Variants in ZFYVE28 observed in about 807,000 individuals in gnomAD.
ZFYVE28 encodes lateral signaling target protein 2 homolog.
ZFYVE28 carries 40 observed loss-of-function variants against 82.1 expected under a neutral mutation model. The ratio of observed to expected loss-of-function variants is 0.49; its 90% CI spans 0.38 to 0.63. The LOEUF is 0.63. Ranked by LOEUF, ZFYVE28 falls within the 30% of genes least tolerant of loss-of-function variation. The pLI is 0.00. For synonymous variants in ZFYVE28, 612 were observed against 546.1 expected, an observed-to-expected ratio of 1.12 and a Z score of -1.68; for missense variants, 1,321 against 1,242.1, an observed-to-expected ratio of 1.06 and a Z score of -0.96.
At chr4:2,301,198 G>C (rs1715464151) in intron 8 of ZFYVE28, among the ~76,000 whole-genome samples, 2 of 152,170 alleles carry the variant, frequency 1.3e-5, no homozygotes, top group Non-Finnish European at 2.9e-5. Flanking sequence ...GTTCCTTGGT[G>C]GGTCTCCGGT....
chr4:2,304,448 G>T lies in ZFYVE28; in HGVS notation c.1892C>A (p.Ser631Tyr). Residue 631 changes from serine (S) to tyrosine (Y), a missense_variant, in exon 8 of 13, where the codon TCC (serine) becomes TAC (tyrosine). Ser to Tyr is a moderately radical substitution (Grantham distance 144, BLOSUM62 -2). This residue lies in a region of ZFYVE28 where 978 missense variants were observed against 833.7 expected (regional missense o/e 1.17). Coordinates refer to ENST00000290974, the MANE Select transcript of ZFYVE28 (RefSeq NM_020972.3). ...TGAGGTGTGAGGCAGGCACTTGTCGGAAGTGGGGGCTTTGGGCTCCCGCCC... is the reference window on the plus strand; with the variant it reads ...TGAGGTGTGAGGCAGGCACTTGTCGTAAGTGGGGGCTTTGGGCTCCCGCCC... ...SNGREPKAPT[S>Y]DKCLPHTSGS... 6.2e-7 allele frequency: 1 copy of T among 1,613,666 alleles called. No homozygotes were observed. The highest frequency in any genetic ancestry group is 1.7e-5 in the Admixed American group (1 of 60,032).
At chr4:2,272,551 A>G (rs914049822) in intron 10 of ZFYVE28, among the ~76,000 whole-genome samples, 4 of 152,172 alleles carry the variant, frequency 2.6e-5, no homozygotes, top group African/African-American at 9.7e-5. Flanking sequence ...GGTATGCGTG[A>G]GTACATGTGT....
intron 6 of ZFYVE28, among the ~76,000 whole-genome samples, chr4:2,333,669 C>G (rs34426652): frequency 2.6e-5 from 4 of 151,866 alleles, no homozygotes; most frequent in African/African-American, 7.3e-5. Context: ...TCAAAGCACT[C>G]GCGGAGAACT....
chr4:2,404,067 T>C (rs1731510036), intron 1 of ZFYVE28, among the ~76,000 whole-genome samples: 3 of 151,058 alleles, frequency 2.0e-5, no homozygotes, highest in South Asian at 4.2e-4. Flanking sequence ...ACACCTGTAA[T>C]CCCAGCACAT....
intron 8 of ZFYVE28, among the ~76,000 whole-genome samples, chr4:2,293,946 A>G (rs969102745): frequency 6.6e-6 from 1 of 152,176 alleles, no homozygotes; most frequent in African/African-American, 2.4e-5. Flanking sequence ...AACTTTGCTG[A>G]GATAAATTAA....
In ZFYVE28 at chr4:2,270,087, AG is replaced by A. The variant is rs1343654263; in HGVS notation, c.*637del. On this transcript the variant is annotated 3_prime_UTR_variant, in exon 13 of 13. Transcript: ENST00000290974. ...AAGGGGACAGTGGTGGGCAGACACC[AG>A]GAGCACCCTGCCTGCCTAGAGGACC... 6.5e-6 allele frequency: 1 copy of A among 153,118 alleles called. No homozygotes were observed. Among genetic ancestry groups the A allele is most frequent in the Non-Finnish European group, 1.5e-5 (1 of 68,672 alleles). The allele number at this position is 153,118 out of a possible 1,614,324, so 9.5% of individuals were successfully genotyped here.
intron 1 of ZFYVE28, among the ~76,000 whole-genome samples, chr4:2,413,078 G>A (rs1732687836): frequency 6.6e-6 from 1 of 152,206 alleles, no homozygotes; most frequent in Admixed American, 6.5e-5. Context: ...TCGGCGCAGG[G>A]AGTGATGCTC....
chr4:2,393,906 C>T (rs1232043650), intron 1 of ZFYVE28, among the ~76,000 whole-genome samples: 7 of 152,260 alleles, frequency 4.6e-5, no homozygotes, highest in South Asian at 4.1e-4. Context: ...ACAACATTCA[C>T]ATCTTACAGT....
chr4:2,408,664 C>G lies in ZFYVE28; in HGVS notation c.39+9621G>C, dbSNP rs1169156461. 6.6e-6 allele frequency among the ~76,000 whole-genome samples: 1 copy of G among 152,118 alleles called. No individual in the cohort carries two copies. The highest frequency in any genetic ancestry group is 1.9e-4 in the East Asian group (1 of 5,190). ...TGATGGCGCCCCATCCAGATAGAGT[C>G]CCGCCCAGATGAGTACCACCCAGGT... On this transcript the variant is annotated intron_variant, in intron 1 of 12. Transcript: ENST00000290974. This position sits in a 1 kb window ranked among gnomAD's most constrained non-coding sequence, Gnocchi z 4.3.
Position 2,335,343 on chromosome 4 carries a change from G to A in ZFYVE28, c.701+362C>T, listed in dbSNP as rs896883933. 5.9e-5 allele frequency among the ~76,000 whole-genome samples: 9 copies of A among 152,150 alleles called. No homozygotes were observed. The highest frequency in any genetic ancestry group is 1.3e-4 in the Admixed American group (2 of 15,278). Reference sequence around the variant, plus strand: ...GTTACCACCAAGTCTGCCTCCCACAGCCCCTGCGTGGCCACTCTGTTCCGA... The same window carrying A: ...GTTACCACCAAGTCTGCCTCCCACAACCCCTGCGTGGCCACTCTGTTCCGA... On this transcript the variant is annotated intron_variant, in intron 6 of 12. Coordinates refer to ENST00000290974, the MANE Select transcript of ZFYVE28 (RefSeq NM_020972.3). This position sits in a 1 kb window ranked among gnomAD's most constrained non-coding sequence, Gnocchi z 5.8.
chr4:2,304,231 C>A (rs377457044), intron 8 of ZFYVE28, 58 bp downstream of exon 8: 5 of 1,500,436 alleles, frequency 3.3e-6, no homozygotes, highest in Non-Finnish European at 4.4e-6. Flanking sequence ...AATGCGCCAG[C>A]ACCTGCCCCC....
chr4:2,320,504 T>G lies in ZFYVE28; in HGVS notation c.702-233A>C, dbSNP rs926521647. On this transcript the variant is annotated intron_variant, in intron 6 of 12. Coordinates refer to ENST00000290974, the MANE Select transcript of ZFYVE28 (RefSeq NM_020972.3). The surrounding 1 kb of genome is among the most constrained non-coding windows in gnomAD (Gnocchi z 5.1). ...CATCCTCTTTTGCAGTTGATTAGCT[T>G]GTGTTCATTGGAGGGGTCATAAAGT... 3.9e-5 allele frequency among the ~76,000 whole-genome samples: 6 copies of G among 152,262 alleles called. No homozygotes were observed. The highest frequency in any genetic ancestry group is 8.8e-5 in the Non-Finnish European group (6 of 68,048).
chr4:2,293,947 G>A (rs1003372241), intron 8 of ZFYVE28, among the ~76,000 whole-genome samples: 4 of 151,900 alleles, frequency 2.6e-5, no homozygotes, highest in Non-Finnish European at 4.4e-5. Context: ...ACTTTGCTGA[G>A]ATAAATTAAA....
intron 7 of ZFYVE28, among the ~76,000 whole-genome samples, chr4:2,309,511 A>C (rs1243476152): frequency 2.0e-5 from 3 of 152,220 alleles, no homozygotes; most frequent in Non-Finnish European, 4.4e-5. Context: ...TGCTAAATCT[A>C]CTTATTATTT....
In ZFYVE28 at chr4:2,390,108, G is replaced by A. The variant is rs1578353317; in HGVS notation, c.39+28177C>T. On this transcript the variant is annotated intron_variant, in intron 1 of 12. Coordinates refer to ENST00000290974, the MANE Select transcript of ZFYVE28 (RefSeq NM_020972.3). The stretch of plus-strand genomic sequence containing the variant: ...GATCCTGAATTATCTGAGAGGGCAT[G>A]AAATCCAATGACAAGCGTCCTTCAT... Among the ~76,000 whole-genome samples, 3 of 152,352 alleles carry A rather than the reference G, an allele frequency of 2.0e-5. No homozygotes were observed. In the South Asian group the frequency reaches 6.2e-4, roughly 32 times the overall value.
At position 2,337,303 on chromosome 4, in the gene ZFYVE28, C is replaced by T. The variant is rs527274337; in HGVS notation, c.611+104G>A. ...TGGTGCCTTCCATCTGGGGCACTCC[C>T]GAGACACAGCAGGTTCCCCCAGAGC... is the stretch of plus-strand genomic sequence containing the variant. On this transcript the variant is annotated intron_variant, in intron 5 of 12. Coordinates refer to ENST00000290974, the MANE Select transcript of ZFYVE28 (RefSeq NM_020972.3). 6.8e-4 allele frequency: 691 copies of T among 1,019,906 alleles called. 3 individuals are homozygous for T. Among genetic ancestry groups the T allele is most frequent in the Non-Finnish European group, 6.8e-4 (481 of 705,942 alleles). 63.2% of individuals were successfully genotyped at this position (1,019,906 alleles called of 1,614,324 possible). A position where few individuals can be genotyped will look rare whatever the true frequency, so the allele number is the denominator to read the frequency against.
chr4:2,278,938 CCT>C (rs1325880086), intron 8 of ZFYVE28, among the ~76,000 whole-genome samples: 7 of 148,226 alleles, frequency 4.7e-5, no homozygotes, highest in Admixed American at 1.3e-4. Flanking sequence ...TTCCCCCCCC[CCT>C]CAAAAAAAAA....
intron 2 of ZFYVE28, among the ~76,000 whole-genome samples, chr4:2,353,022 C>A (rs985704736): frequency 1.3e-5 from 2 of 152,228 alleles, no homozygotes; most frequent in African/African-American, 4.8e-5. Flanking sequence ...ACTCTCCCCA[C>A]CCACAGAGGC....
intron 8 of ZFYVE28, among the ~76,000 whole-genome samples, chr4:2,301,200 G>C (rs1218695027): frequency 6.6e-6 from 1 of 152,188 alleles, no homozygotes; most frequent in African/African-American, 2.4e-5. Flanking sequence ...TCCTTGGTGG[G>C]TCTCCGGTGC....
Sources: gnomAD v4.1 joint callset for allele counts (sites outside exome capture counted in the v4.1 genomes callset) on GRCh38, gnomAD v4.1.1 for gene constraint, gnomAD v4.1.1 regional missense constraint, Gnocchi (gnomAD v3.1) non-coding constraint, MANE v1.5 for transcripts, NCBI Gene and HGNC (gene_info 2026-07-23, HGNC 2026-07-21) for gene names.